The following EIF2AK4 variants were observed in gnomAD, a reference collection of about 807,000 sequenced individuals.
EIF2AK4 encodes eIF-2-alpha kinase GCN2.
EIF2AK4 carries 139 observed loss-of-function variants against 211.1 expected under a neutral mutation model. That is an observed-to-expected ratio of 0.66 (90% CI 0.57 to 0.76). EIF2AK4 has a LOEUF of 0.76. EIF2AK4 is among the 30% of genes least tolerant of loss of function. EIF2AK4 has a pLI of 0.00. For synonymous variants in EIF2AK4, 710 were observed against 751.3 expected (o/e 0.94, Z 0.90); for missense variants, 1,664 against 2,043.8 (o/e 0.81, Z 3.58).
chr15:39,983,779 A>C (rs1230620690), intron 13 of EIF2AK4, among the ~76,000 whole-genome samples: 1 of 152,126 alleles, frequency 6.6e-6, no homozygotes, highest in African/African-American at 2.4e-5. Flanking sequence ...AGATTGCAAA[A>C]ATTTTCTCCC....
intron 9 of EIF2AK4, among the ~76,000 whole-genome samples, chr15:39,971,209 A>G (rs1043968196): frequency 2.6e-5 from 4 of 152,024 alleles, no homozygotes; most frequent in African/African-American, 9.7e-5. Flanking sequence ...ACATAGTAAG[A>G]CCTCATCTCT....
chr15:40,022,389 C>A, intron 31 of EIF2AK4, 130 bp from the exon 32 acceptor site: 1 of 753,686 alleles, frequency 1.3e-6, no homozygotes, highest in Non-Finnish European at 2.1e-6. Flanking sequence ...ATTTATATCC[C>A]CCTGAAGTCA....
intron 5 of EIF2AK4, among the ~76,000 whole-genome samples, 173 bp from the exon 6 acceptor site, chr15:39,955,447 T>G (rs2034376500): frequency 6.6e-6 from 1 of 152,198 alleles, no homozygotes; most frequent in South Asian, 2.1e-4. Flanking sequence ...GTTGGAAACA[T>G]TCAATATCCT....
At chr15:40,001,297 T>A in intron 21 of EIF2AK4, 73 bp downstream of exon 21, 1 of 1,445,486 alleles carries the variant, frequency 6.9e-7, no homozygotes, top group Non-Finnish European at 9.6e-7. Context: ...TTCTCACAGA[T>A]TCTTTTAATG....
intron 4 of EIF2AK4, among the ~76,000 whole-genome samples, chr15:39,950,016 A>G (rs994562959): frequency 1.3e-5 from 2 of 151,900 alleles, no homozygotes; most frequent in African/African-American, 4.8e-5. Flanking sequence ...TTATTTTTCT[A>G]AAGTTTTAAA....
rs768141090 is a variant in EIF2AK4 at position 39,949,193 on chromosome 15, T to C, written c.438T>C (p.His146=). 2.5e-6 allele frequency: 4 copies of C among 1,613,914 alleles called. No homozygotes were observed. The highest frequency in any genetic ancestry group is 1.3e-5 in the African/African-American group (1 of 74,866). ...EHNKPPPKSF[H]EEMLERRAQE... ...ACAAGCCCCCTCCCAAGTCTTTTCA[T>C]GAAGAAATGCTGGAAAGGCGGGCTC... The change falls in exon 4 of 39, where the codon CAT becomes CAC. Residue 146 remains histidine (H), a synonymous_variant. Transcript: ENST00000263791.
At chr15:40,025,956 A>G (rs747984123) in intron 32 of EIF2AK4, 21 bp from the exon 33 acceptor site, 2 of 1,608,512 alleles carry the variant, frequency 1.2e-6, no homozygotes, top group Non-Finnish European at 8.5e-7. Context: ...CAAATGATAG[A>G]TCCGTTTCAT....
At chr15:39,968,329 G>A (rs570444045) in intron 9 of EIF2AK4, among the ~76,000 whole-genome samples, 2 of 152,306 alleles carry the variant, frequency 1.3e-5, no homozygotes, top group South Asian at 2.1e-4. Flanking sequence ...GTTGTAGAAT[G>A]CAAATAACTT....
chr15:39,936,754 G>A (rs1260346290), intron 1 of EIF2AK4, among the ~76,000 whole-genome samples: 1 of 152,188 alleles, frequency 6.6e-6, no homozygotes, highest in East Asian at 1.9e-4. Flanking sequence ...GAATTCAGAA[G>A]TGCTTCTGTT....
chr15:40,012,348 C>T (rs1007830049), intron 27 of EIF2AK4, among the ~76,000 whole-genome samples: 5 of 152,088 alleles, frequency 3.3e-5, no homozygotes, highest in African/African-American at 1.2e-4. Flanking sequence ...CACCCCTTTG[C>T]GGGTAGGGAA....
At chr15:39,955,385 G>A (rs772370553) in intron 5 of EIF2AK4, among the ~76,000 whole-genome samples, 9 of 151,914 alleles carry the variant, frequency 5.9e-5, no homozygotes, top group Non-Finnish European at 1.3e-4. Flanking sequence ...TATAGTGATC[G>A]GATCAGGGTA....
intron 23 of EIF2AK4, 106 bp from the exon 24 acceptor site, chr15:40,006,910 C>A (rs2035169527): frequency 2.4e-6 from 2 of 819,484 alleles, no homozygotes; most frequent in Non-Finnish European, 4.0e-6. Context: ...GAAGTACATA[C>A]TTTAAAGGGG....
chr15:40,022,509 T>C lies in EIF2AK4; in HGVS notation c.4303-10T>C, dbSNP rs201410335. 4.8e-4 allele frequency: 777 copies of C among 1,612,418 alleles called. No individual in the cohort carries two copies. Among genetic ancestry groups the C allele is most frequent in the Non-Finnish European group, 6.0e-4 (709 of 1,178,752 alleles). On this transcript the variant is annotated splice_polypyrimidine_tract_variant and intron_variant, in intron 31 of 38. Coordinates refer to ENST00000263791, the MANE Select transcript of EIF2AK4 (RefSeq NM_001013703.4). ...GTGTTTATTTTCTTTACTATGTTTG[T>C]TTGTTTCAGTCCCAAGAGGAATTAC... is the stretch of plus-strand genomic sequence containing the variant.
chr15:39,998,647 A>T, intron 19 of EIF2AK4, 84 bp from the exon 20 acceptor site: 1 of 1,083,448 alleles, frequency 9.2e-7, no homozygotes, highest in Non-Finnish European at 1.4e-6. Flanking sequence ...TTATTTCTGT[A>T]TTTGATTTTC....
At chr15:39,962,358 A>T (rs1566987142) in intron 7 of EIF2AK4, among the ~76,000 whole-genome samples, 1 of 152,268 alleles carries the variant, frequency 6.6e-6, no homozygotes, top group Non-Finnish European at 1.5e-5. Flanking sequence ...AAGCTTATTG[A>T]AACAAAAAAA....
chr15:39,948,423 A>C (rs1188662991), intron 3 of EIF2AK4, among the ~76,000 whole-genome samples: 2 of 152,166 alleles, frequency 1.3e-5, no homozygotes, highest in East Asian at 3.8e-4. Flanking sequence ...TGTTCTATTG[A>C]TTTATCAACC....
intron 9 of EIF2AK4, among the ~76,000 whole-genome samples, chr15:39,968,611 C>G (rs1268669628): frequency 3.9e-5 from 6 of 152,200 alleles, no homozygotes; most frequent in African/African-American, 1.2e-4. Flanking sequence ...TCCAGCTATC[C>G]TGCAGGAGTT....
At position 39,967,568 on chromosome 15, in the gene EIF2AK4, T is replaced by TTATC; in HGVS notation, c.1244_1247dup (p.His417SerfsTer9). On this transcript the variant is annotated frameshift_variant, in exon 9 of 39. Transcript: ENST00000263791. LOFTEE classifies it high-confidence loss of function. ...CAGCTCAGCTCCTGTCAGGCCTTGATTATCTGCACAGCAATTCTGTGGTGC... is the reference window on the plus strand; with the variant it reads ...CAGCTCAGCTCCTGTCAGGCCTTGATTATCTATCTGCACAGCAATTCTGTGGTGC... The TTATC allele has an allele frequency of 6.2e-7, 1 of 1,613,838 alleles. No homozygotes were observed. The highest frequency in any genetic ancestry group is 8.5e-7 in the Non-Finnish European group (1 of 1,179,840).
chr15:39,944,684 C>T (rs1229451085), intron 3 of EIF2AK4, among the ~76,000 whole-genome samples: 4 of 152,238 alleles, frequency 2.6e-5, no homozygotes, highest in East Asian at 1.9e-4. Context: ...CCACCCGCCT[C>T]GGCCTCCCAA....
Sources: gnomAD v4.1 joint callset for allele counts (sites outside exome capture counted in the v4.1 genomes callset) on GRCh38, gnomAD v4.1.1 for gene constraint, MANE v1.5 for transcripts, NCBI Gene and HGNC (gene_info 2026-07-23, HGNC 2026-07-21) for gene names.